JAZF1: variants seen among roughly 807,000 people sequenced by gnomAD.
JAZF1 encodes juxtaposed with another zinc finger protein 1.
Under a neutral mutation model 26.4 loss-of-function variants are expected in JAZF1, and 8 were observed. That is an observed-to-expected ratio of 0.30 (90% CI 0.18 to 0.55). The LOEUF (loss-of-function observed/expected upper bound fraction) is 0.55. Ranked by LOEUF, JAZF1 falls within the 20% of genes least tolerant of loss-of-function variation. The pLI is 0.94. For synonymous variants in JAZF1, 126 were observed against 122.3 expected (o/e 1.03, Z -0.20); for missense variants, 199 against 322.0 (o/e 0.62, Z 2.92).
At chr7:28,105,126 G>A (rs1404377945) in intron 1 of JAZF1, among the ~76,000 whole-genome samples, 2 of 151,850 alleles carry the variant, frequency 1.3e-5, no homozygotes. Context: ...TTTTTTTTTA[G>A]AGACACCAAA....
intron 1 of JAZF1, among the ~76,000 whole-genome samples, chr7:28,123,848 G>C (rs1278229422): frequency 1.3e-5 from 2 of 152,158 alleles, no homozygotes; most frequent in Non-Finnish European, 2.9e-5. Flanking sequence ...AAAAATCAAG[G>C]GGGCAGGTAA....
intron 2 of JAZF1, among the ~76,000 whole-genome samples, chr7:27,913,042 C>A (rs1784385491): frequency 6.6e-6 from 1 of 152,078 alleles, no homozygotes; most frequent in African/African-American, 2.4e-5. Flanking sequence ...GACATTGTAT[C>A]TTTCAGGATA....
intron 1 of JAZF1, among the ~76,000 whole-genome samples, chr7:28,115,997 C>T (rs1784735605): frequency 6.6e-6 from 1 of 152,134 alleles, no homozygotes; most frequent in Non-Finnish European, 1.5e-5. Context: ...CTTTAAAATG[C>T]TGCACAATAT....
In JAZF1 at chr7:27,929,953, TCTCTCTCCCC is replaced by T. The variant is rs1446947688; in HGVS notation, c.189-34547_189-34538del. Among the ~76,000 whole-genome samples, 936 of 151,676 alleles carry T rather than the reference TCTCTCTCCCC, an allele frequency of 6.2e-3. 7 individuals are homozygous for T. The highest frequency in any genetic ancestry group is 0.018 in the African/African-American group (741 of 41,268). On this transcript the variant is annotated intron_variant, in intron 2 of 4. Transcript: ENST00000283928. ...TTTCTGCATTCTCTCTCTCTCTCTC[TCTCTCTCCCC>T]CTCTCTCCCTCCCTCCCTCTCTCTC...
At chr7:27,873,597 C>T (rs1043603144) in intron 3 of JAZF1, among the ~76,000 whole-genome samples, 7 of 152,210 alleles carry the variant, frequency 4.6e-5, no homozygotes, top group South Asian at 2.1e-4. Context: ...TACTTTCCCC[C>T]GGTCATTGTT....
chr7:28,064,665 T>TA (rs1264750355), intron 1 of JAZF1, among the ~76,000 whole-genome samples: 1 of 152,230 alleles, frequency 6.6e-6, no homozygotes, highest in Admixed American at 6.5e-5. Flanking sequence ...GGATAAAGCA[T>TA]AAAGAGATCT....
intron 1 of JAZF1, among the ~76,000 whole-genome samples, chr7:28,093,929 A>C (rs1486755593): frequency 6.6e-6 from 1 of 152,254 alleles, no homozygotes; most frequent in Non-Finnish European, 1.5e-5. Context: ...GGAAGAATGC[A>C]TTCAGTGCTC....
chr7:28,042,642 C>A (rs966395141), intron 1 of JAZF1, among the ~76,000 whole-genome samples: 1 of 152,168 alleles, frequency 6.6e-6, no homozygotes, highest in African/African-American at 2.4e-5. Flanking sequence ...TGCAGAACAA[C>A]ATTTTGGTCA....
chr7:28,002,561 T>G (rs1487772018), intron 1 of JAZF1, among the ~76,000 whole-genome samples: 1 of 152,210 alleles, frequency 6.6e-6, no homozygotes, highest in Non-Finnish European at 1.5e-5. Flanking sequence ...GTGGATTAAA[T>G]TAGCAAGCAT....
intron 1 of JAZF1, among the ~76,000 whole-genome samples, chr7:28,064,710 A>C (rs1273967785): frequency 6.6e-6 from 1 of 152,238 alleles, no homozygotes; most frequent in East Asian, 1.9e-4. Context: ...TTCACAGATT[A>C]GGAACTTGAG....
intron 3 of JAZF1, among the ~76,000 whole-genome samples, chr7:27,851,093 C>A (rs1656185362): frequency 6.6e-6 from 1 of 152,150 alleles, no homozygotes; most frequent in African/African-American, 2.4e-5. Flanking sequence ...CAGGCACCGG[C>A]CACCACGCCT....
At chr7:27,836,746 T>C (rs989434027) in intron 4 of JAZF1, among the ~76,000 whole-genome samples, 1 of 152,204 alleles carries the variant, frequency 6.6e-6, no homozygotes, top group African/African-American at 2.4e-5. Flanking sequence ...CGCAGTTCCC[T>C]ACTGGCCACT....
At chr7:27,943,402 G>A (rs759663188) in intron 2 of JAZF1, among the ~76,000 whole-genome samples, 1 of 152,094 alleles carries the variant, frequency 6.6e-6, no homozygotes, top group African/African-American at 2.4e-5. Context: ...GCTGGAGGCC[G>A]CGCACTGGAT....
chr7:28,016,316 T>C (rs1034083217), intron 1 of JAZF1, among the ~76,000 whole-genome samples: 2 of 152,170 alleles, frequency 1.3e-5, no homozygotes, highest in Non-Finnish European at 2.9e-5. Flanking sequence ...AAACAGGTGG[T>C]GAAACCGACA....
intron 1 of JAZF1, among the ~76,000 whole-genome samples, chr7:28,170,335 A>ATGTG (rs1783436475): frequency 2.9e-5 from 4 of 140,082 alleles, no homozygotes; most frequent in East Asian, 2.1e-4. Flanking sequence ...AGAGAAGTTG[A>ATGTG]TATGTGTGTG....
In JAZF1 at chr7:28,132,030, T is replaced by C. The variant is rs1022867378; in HGVS notation, c.115+48433A>G. Among the ~76,000 whole-genome samples the C allele has an allele frequency of 5.3e-5, 8 of 152,238 alleles. No individual in the cohort carries two copies. The East Asian group carries it at 9.6e-4, about 18-fold the overall frequency. Reference sequence around the variant, plus strand: ...ATACTCTTTGATCCTACTACCCTCATGATCAGATGCTTCTTGGGTAAAACA... The same window carrying C: ...ATACTCTTTGATCCTACTACCCTCACGATCAGATGCTTCTTGGGTAAAACA... On this transcript the variant is annotated intron_variant, in intron 1 of 4. Transcript: ENST00000283928.
At chr7:28,124,578 A>G (rs924810433) in intron 1 of JAZF1, among the ~76,000 whole-genome samples, 2 of 152,198 alleles carry the variant, frequency 1.3e-5, no homozygotes, top group African/African-American at 4.8e-5. Flanking sequence ...ACTTGACTGC[A>G]GGGCCATGTG....
chr7:27,946,304 G>C lies in JAZF1; in HGVS notation c.188+45605C>G, dbSNP rs533158278. On this transcript the variant is annotated intron_variant, in intron 2 of 4. Transcript: ENST00000283928. ...GTTTAAAAGGGAAATTAAATGTTCT[G>C]GTTACCACACACACCAAATAAAGAT... is the stretch of plus-strand genomic sequence containing the variant. Among the ~76,000 whole-genome samples the C allele has an allele frequency of 4.0e-5, 6 of 149,402 alleles. No individual in the cohort carries two copies. The South Asian group carries it at 1.2e-3, about 31-fold the overall frequency.
chr7:28,158,395 T>A (rs917588264), intron 1 of JAZF1, among the ~76,000 whole-genome samples: 1 of 151,894 alleles, frequency 6.6e-6, no homozygotes, highest in Non-Finnish European at 1.5e-5. Flanking sequence ...AGCCTAGAAA[T>A]CAGGAGTGCT....
Sources: gnomAD v4.1 joint callset for allele counts (sites outside exome capture counted in the v4.1 genomes callset) on GRCh38, gnomAD v4.1.1 for gene constraint, MANE v1.5 for transcripts, NCBI Gene and HGNC (gene_info 2026-07-23, HGNC 2026-07-21) for gene names.